Variants in KDM4C observed in about 807,000 individuals in gnomAD.
KDM4C encodes the protein lysine demethylase 4C.
Under a neutral mutation model 129.3 loss-of-function variants are expected in KDM4C, and 81 were observed. The ratio of observed to expected loss-of-function variants is 0.63; its 90% CI spans 0.52 to 0.75. KDM4C has a LOEUF of 0.75. Among genes scored for constraint, KDM4C ranks in the 30% least tolerant of loss-of-function variants. The pLI, the probability that KDM4C is intolerant of heterozygous loss-of-function variation, is 0.00. For synonymous variants in KDM4C, 573 were observed against 456.1 expected, an observed-to-expected ratio of 1.26 and a Z score of -3.26; for missense variants, 1,457 against 1,304.0, an observed-to-expected ratio of 1.12 and a Z score of -1.81.
chr9:6,981,126 C>G lies in KDM4C; in HGVS notation c.1115+8C>G. On this transcript the variant is annotated splice_region_variant and intron_variant, in intron 9 of 21. Coordinates refer to ENST00000381309, the MANE Select transcript of KDM4C (RefSeq NM_015061.6). ...AAGAAAAGCATCCCGAAGGTAATGACCCCTCACCCCACTGACCTGCCTTGC... is the reference window on the plus strand; with the variant it reads ...AAGAAAAGCATCCCGAAGGTAATGAGCCCTCACCCCACTGACCTGCCTTGC... The G allele has an allele frequency of 2.5e-6, 4 of 1,602,374 alleles. No individual in the cohort carries two copies. The highest frequency in any genetic ancestry group is 3.4e-6 in the Non-Finnish European group (4 of 1,174,854).
At chr9:6,822,089 T>G (rs1833133416) in intron 4 of KDM4C, among the ~76,000 whole-genome samples, 2 of 152,202 alleles carry the variant, frequency 1.3e-5, no homozygotes, top group Admixed American at 1.3e-4. Context: ...CTCAAAGGCA[T>G]GGGGCGAATC....
In KDM4C at chr9:6,844,475, A is replaced by G. The variant is rs140073293; in HGVS notation, c.436-5032A>G. ...AACCGCCTATCATAAGGCTTCCTTT[A>G]ATATGTTGTCCCACACAGCACTGTT... On this transcript the variant is annotated intron_variant, in intron 4 of 21. Transcript: ENST00000381309. Among the ~76,000 whole-genome samples the G allele has an allele frequency of 8.7e-4, 132 of 152,296 alleles. No homozygotes were observed. In the Middle Eastern group the frequency reaches 0.01, roughly 12 times the overall value.
intron 5 of KDM4C, among the ~76,000 whole-genome samples, chr9:6,862,896 T>C (rs1051225414): frequency 6.6e-6 from 1 of 152,216 alleles, no homozygotes; most frequent in Non-Finnish European, 1.5e-5. Context: ...AGTACTTTGT[T>C]GGAGTTCATT....
intron 1 of KDM4C, among the ~76,000 whole-genome samples, chr9:6,737,752 G>T (rs558050897): frequency 6.6e-6 from 1 of 150,560 alleles, no homozygotes; most frequent in East Asian, 2.0e-4. Context: ...ATGAAAAAAT[G>T]TTCAACATCA....
In KDM4C at chr9:7,128,132, C is replaced by A; in HGVS notation, c.2677C>A (p.Arg893=). The A allele has an allele frequency of 1.2e-6, 2 of 1,612,710 alleles. No individual in the cohort carries two copies. Among genetic ancestry groups the A allele is most frequent in the South Asian group, 2.2e-5 (2 of 90,866 alleles). ...GGTCATCACGAAGCATCGGAACACC[C>A]GGTATTACAGTTGCAGAGTGATGGC... is the stretch of plus-strand genomic sequence containing the variant. ...QTVITKHRNT[R]YYSCRVMAVT... Residue 893 remains arginine (R), a synonymous_variant, in exon 19 of 22, where the codon CGG becomes AGG. Coordinates refer to ENST00000381309, the MANE Select transcript of KDM4C (RefSeq NM_015061.6).
At chr9:6,997,877 T>C (rs748243176) in intron 12 of KDM4C, among the ~76,000 whole-genome samples, 7 of 152,258 alleles carry the variant, frequency 4.6e-5, no homozygotes, top group Non-Finnish European at 7.3e-5. Context: ...CTTTTACTTA[T>C]AACTCTTCAA....
At position 6,751,184 on chromosome 9, in the gene KDM4C, G is replaced by T. The variant is rs1026496321; in HGVS notation, c.49+30187G>T. ...GCCTAGGCCGGGCATGGTGTCTCACGCCTGTAATCCCAGCACTTTGGGAGG... is the reference window on the plus strand; with the variant it reads ...GCCTAGGCCGGGCATGGTGTCTCACTCCTGTAATCCCAGCACTTTGGGAGG... On this transcript the variant is annotated intron_variant, in intron 1 of 17. Transcript: ENST00000536108. Among the ~76,000 whole-genome samples the T allele has an allele frequency of 1.9e-4, 29 of 152,106 alleles. 1 individual carries two copies. Among genetic ancestry groups the T allele is most frequent in the Admixed American group, 1.9e-3 (29 of 15,250 alleles).
chr9:7,145,753 A>G (rs929178875), intron 19 of KDM4C, among the ~76,000 whole-genome samples: 5 of 152,246 alleles, frequency 3.3e-5, no homozygotes, highest in Admixed American at 2.0e-4. Flanking sequence ...CTTTCGCTTA[A>G]GTTTCTTAAC....
intron 15 of KDM4C, among the ~76,000 whole-genome samples, chr9:7,031,111 T>G (rs1054115486): frequency 3.3e-5 from 5 of 151,592 alleles, no homozygotes; most frequent in Non-Finnish European, 7.4e-5. Flanking sequence ...ATGTATTCAT[T>G]GTGTCCTTTA....
intron 17 of KDM4C, among the ~76,000 whole-genome samples, chr9:7,100,212 C>G (rs1836911902): frequency 6.6e-6 from 1 of 152,140 alleles, no homozygotes; most frequent in Admixed American, 6.5e-5. Context: ...GGCAGCATGG[C>G]AAAACCCTGT....
At chr9:6,755,043 G>A (rs559691443), upstream of KDM4C, among the ~76,000 whole-genome samples, 5 of 151,744 alleles carry the variant, frequency 3.3e-5, no homozygotes, top group South Asian at 2.1e-4. Context: ...TTTGAGACCC[G>A]CCTGGCCAAT....
chr9:6,853,441 C>T (rs534937862), intron 5 of KDM4C, among the ~76,000 whole-genome samples: 16 of 152,184 alleles, frequency 1.1e-4, no homozygotes, highest in South Asian at 6.2e-4. Context: ...TGCAGTGATC[C>T]GAGGTGGTGC....
At chr9:7,133,878 G>T (rs1435571041) in intron 19 of KDM4C, among the ~76,000 whole-genome samples, 1 of 152,140 alleles carries the variant, frequency 6.6e-6, no homozygotes, top group African/African-American at 2.4e-5. Context: ...GTGGGATCCC[G>T]GGAAACATTG....
At chr9:6,767,409 G>A (rs765913890) in intron 1 of KDM4C, among the ~76,000 whole-genome samples, 3 of 151,870 alleles carry the variant, frequency 2.0e-5, no homozygotes, top group Non-Finnish European at 4.4e-5. Flanking sequence ...CCAAAGTGTT[G>A]GGATTACAGG....
intron 1 of KDM4C, among the ~76,000 whole-genome samples, chr9:6,790,363 G>A (rs1826313650): frequency 6.6e-6 from 1 of 150,980 alleles, no homozygotes; most frequent in Non-Finnish European, 1.5e-5. Context: ...TCCTGCCTCA[G>A]CCTCCTGAGT....
At chr9:6,767,793 C>G (rs545002661) in intron 1 of KDM4C, among the ~76,000 whole-genome samples, 1 of 152,088 alleles carries the variant, frequency 6.6e-6, no homozygotes, top group Non-Finnish European at 1.5e-5. Context: ...AAAAGGAATC[C>G]TTCCCTAAAA....
At chr9:7,014,678 A>G (rs1211808186) in intron 14 of KDM4C, among the ~76,000 whole-genome samples, 1 of 152,168 alleles carries the variant, frequency 6.6e-6, no homozygotes, top group East Asian at 1.9e-4. Context: ...CACACATTCT[A>G]GTAACACACT....
chr9:6,907,737 A>G (rs1818576270), intron 8 of KDM4C, among the ~76,000 whole-genome samples: 1 of 152,216 alleles, frequency 6.6e-6, no homozygotes, highest in African/African-American at 2.4e-5. Flanking sequence ...TGAAAGAAGT[A>G]AAGTGGAATT....
chr9:6,893,162 G>T lies in KDM4C; in HGVS notation c.851G>T (p.Gly284Val). 1 of 1,610,630 alleles carries T rather than the reference G, an allele frequency of 6.2e-7. No individual in the cohort carries two copies. The highest frequency in any genetic ancestry group is 8.5e-7 in the Non-Finnish European group (1 of 1,178,290). ...GGCTACCATGCTGGTTTTAATCATGGTTTCAACTGTGCAGAATCTACAAAT... is the reference window on the plus strand; with the variant it reads ...GGCTACCATGCTGGTTTTAATCATGTTTTCAACTGTGCAGAATCTACAAAT... ...PYGYHAGFNHGFNCAESTNFA... is the reference protein window; with the variant it reads ...PYGYHAGFNHVFNCAESTNFA... Residue 284 changes from glycine (G) to valine (V), a missense_variant, in exon 8 of 22, where the codon GGT becomes GTT. Transcript: ENST00000381309.
Sources: gnomAD v4.1 joint callset for allele counts (sites outside exome capture counted in the v4.1 genomes callset) on GRCh38, gnomAD v4.1.1 for gene constraint, MANE v1.5 for transcripts, NCBI Gene and HGNC (gene_info 2026-07-23, HGNC 2026-07-21) for gene names.